The following DPP3 variants were observed in gnomAD, a reference collection of about 807,000 sequenced individuals.
DPP3 encodes the protein DPP III.
DPP3 carries 64 observed loss-of-function variants against 89.8 expected under a neutral mutation model. The observed-to-expected ratio is 0.71, with a 90% confidence interval of 0.58 to 0.88. DPP3 has a LOEUF of 0.88. Ranked by LOEUF, DPP3 falls within the 40% of genes least tolerant of loss-of-function variation. The pLI is 0.00. For missense variants in DPP3, 835 were observed against 972.5 expected (o/e 0.86, Z 1.88); for synonymous variants, 377 against 404.3 (o/e 0.93, Z 0.81).
At chr11:66,484,726 G>A (rs978166240) in intron 2 of DPP3, among the ~76,000 whole-genome samples, 1 of 150,818 alleles carries the variant, frequency 6.6e-6, no homozygotes, top group Non-Finnish European at 1.5e-5. Flanking sequence ...AAGATCTGGG[G>A]CCAGCAGAAG....
At chr11:66,494,459 G>A (rs959198058) in intron 12 of DPP3, among the ~76,000 whole-genome samples, 2 of 152,228 alleles carry the variant, frequency 1.3e-5, no homozygotes, top group African/African-American at 4.8e-5. Flanking sequence ...CTTTATCAAG[G>A]CTGTGTGTGG....
intron 5 of DPP3, 86 bp from the exon 6 acceptor site, chr11:66,487,828 T>C: frequency 8.0e-7 from 1 of 1,253,814 alleles, no homozygotes; most frequent in South Asian, 1.4e-5. Context: ...CCATGCCTTC[T>C]CCCCTAGGGT....
At chr11:66,492,220 G>C (rs572777176) in intron 9 of DPP3, among the ~76,000 whole-genome samples, 3 of 152,208 alleles carry the variant, frequency 2.0e-5, no homozygotes, top group Non-Finnish European at 4.4e-5. Context: ...GAAGCAGGAT[G>C]GACATTGTGA....
At position 66,507,892 on chromosome 11, in the gene DPP3, A is replaced by C. The variant is rs146383570; in HGVS notation, c.2042-1187A>C. The stretch of plus-strand genomic sequence containing the variant: ...GGGTTTCACCATGTTGGCCAGGCTA[A>C]TCTCGAACTCCTGACCTCAAGTGAT... On this transcript the variant is annotated intron_variant, in intron 17 of 17. Transcript: ENST00000531863. Among the ~76,000 whole-genome samples, 719 of 152,062 alleles carry C rather than the reference A, an allele frequency of 4.7e-3. 8 individuals are homozygous for C. The East Asian group carries it at 0.058, about 12-fold the overall frequency.
At chr11:66,496,160 T>TCCATACAGTGCCTACAGGG in intron 15 of DPP3, among the ~76,000 whole-genome samples, 1 of 152,366 alleles carries the variant, frequency 6.6e-6, no homozygotes, top group Non-Finnish European at 1.5e-5. Flanking sequence ...AGGATTCGCA[T>TCCATACAGTGCCTACAGGG]CCATACAGTG....
intron 16 of DPP3, among the ~76,000 whole-genome samples, chr11:66,498,254 C>T (rs12282647): frequency 8.5e-5 from 13 of 152,178 alleles, no homozygotes; most frequent in Non-Finnish European, 1.3e-4. Context: ...CCACCATGCC[C>T]GGCTAATTTT....
At chr11:66,484,179 T>C (rs1416658212) in intron 2 of DPP3, among the ~76,000 whole-genome samples, 1 of 152,132 alleles carries the variant, frequency 6.6e-6, no homozygotes, top group African/African-American at 2.4e-5. Context: ...GGTTTCACCA[T>C]GTTGGCCAGG....
chr11:66,491,433 A>C (rs1418146798), intron 7 of DPP3, 50 bp downstream of exon 7: 2 of 1,604,218 alleles, frequency 1.2e-6, no homozygotes, highest in South Asian at 2.2e-5. Context: ...CCCTCTGGGC[A>C]GCAGAGCGGG....
At chr11:66,490,775 T>C (rs972474967) in intron 6 of DPP3, among the ~76,000 whole-genome samples, 2 of 140,976 alleles carry the variant, frequency 1.4e-5, no homozygotes, top group Non-Finnish European at 3.2e-5. Context: ...TTGTTTTGTT[T>C]TTTTTTTTTT....
In DPP3 at chr11:66,509,236, AT is replaced by A; in HGVS notation, c.2200del (p.Ser734LeufsTer98). 6.2e-7 allele frequency: 1 copy of A among 1,611,834 alleles called. No homozygotes were observed. The highest frequency in any genetic ancestry group is 1.1e-5 in the South Asian group (1 of 90,778). ...TCTGGAAGGGCCCCAGTGAGGCCCC[AT>A]CTGGCCAAGCTTGAGGAAGATGTGT... ...RFWKGPSEAP[S>X]GQA On this transcript the variant is annotated frameshift_variant, in exon 18 of 18. Transcript: ENST00000531863. LOFTEE classifies it high-confidence loss of function.
chr11:66,489,845 G>A (rs1855328305), intron 6 of DPP3, among the ~76,000 whole-genome samples: 1 of 152,154 alleles, frequency 6.6e-6, no homozygotes, highest in South Asian at 2.1e-4. Flanking sequence ...ACCTCATGTG[G>A]CACCCTCCTA....
chr11:66,497,597 C>A, intron 16 of DPP3, 120 bp downstream of exon 16: 1 of 1,367,506 alleles, frequency 7.3e-7, no homozygotes, highest in Non-Finnish European at 9.7e-7. Context: ...GAAAGGTAGC[C>A]AGTAAACATG....
chr11:66,488,213 A>G lies in DPP3; in HGVS notation c.667+206A>G, dbSNP rs372841854. ...CAATCCCTGAGGGCTGGCAAGGGAC[A>G]GGTCTCTGATTGGCTCAACCTGGTC... On this transcript the variant is annotated intron_variant, in intron 6 of 17. Transcript: ENST00000531863. Among the ~76,000 whole-genome samples the G allele has an allele frequency of 1.4e-3, 214 of 152,338 alleles. 2 individuals carry two copies. Among genetic ancestry groups the G allele is most frequent in the African/African-American group, 5.0e-3 (207 of 41,582 alleles).
intron 2 of DPP3, 56 bp from the exon 3 acceptor site, chr11:66,485,117 C>T (rs1423349276): frequency 1.2e-5 from 18 of 1,527,706 alleles, no homozygotes; most frequent in Admixed American, 8.4e-5. Context: ...GAGGAGGTGT[C>T]GCTGGGGTCA....
intron 12 of DPP3, 80 bp from the exon 13 acceptor site, chr11:66,495,126 T>C (rs1290232241): frequency 2.5e-6 from 4 of 1,608,864 alleles, no homozygotes; most frequent in Non-Finnish European, 2.5e-6. Context: ...CCTGAGCCAC[T>C]TTCCGGCCTG....
Position 66,491,694 on chromosome 11 carries a change from C to T in DPP3, c.930-4C>T. The T allele has an allele frequency of 6.2e-7, 1 of 1,613,696 alleles. No homozygotes were observed. Among genetic ancestry groups the T allele is most frequent in the Non-Finnish European group, 8.5e-7 (1 of 1,179,808 alleles). The stretch of plus-strand genomic sequence containing the variant: ...TCCTCCACCTCTGCCCTTCTCTCCC[C>T]CAGTTACATCGGGTTCATCGAGAGC... On this transcript the variant is annotated splice_region_variant and splice_polypyrimidine_tract_variant and intron_variant, in intron 8 of 17. Transcript: ENST00000531863.
In DPP3 at chr11:66,504,670, C is replaced by T. The variant is rs1281720393; in HGVS notation, c.1937C>T (p.Thr646Ile). Residue 646 changes from threonine (T) to isoleucine (I), a missense_variant, in exon 17 of 18, where the codon ACA becomes ATA. Physicochemically the swap from Thr to Ile is moderately conservative, Grantham distance 89 (BLOSUM62 -1). Transcript: ENST00000531863. ...GGRALYEGYA[T>I]VTDAPPECFL... ...CGGGCCCTGTACGAGGGGTATGCAA[C>T]AGTCACTGATGCGCCCCCCGAGTGC... 2 of 1,613,058 alleles carry T rather than the reference C, an allele frequency of 1.2e-6. No individual in the cohort carries two copies. Among genetic ancestry groups the T allele is most frequent in the African/African-American group, 1.3e-5 (1 of 74,792 alleles).
At chr11:66,492,579 G>A in intron 9 of DPP3, 137 bp from the exon 10 acceptor site, 1 of 1,045,984 alleles carries the variant, frequency 9.6e-7, no homozygotes, top group Non-Finnish European at 1.4e-6. Flanking sequence ...CCAGGCCTGG[G>A]TCACTGCTAT....
At chr11:66,493,685 A>C (rs1855457980) in intron 12 of DPP3, 52 bp downstream of exon 12, 17 of 1,542,270 alleles carry the variant, frequency 1.1e-5, no homozygotes, top group African/African-American at 1.4e-5. Flanking sequence ...TCCACTCCCC[A>C]CAACCTGCCC....
Sources: gnomAD v4.1 joint callset for allele counts (sites outside exome capture counted in the v4.1 genomes callset) on GRCh38, gnomAD v4.1.1 for gene constraint, MANE v1.5 for transcripts, NCBI Gene and HGNC (gene_info 2026-07-23, HGNC 2026-07-21) for gene names.